The following ERBB4 variants were observed in gnomAD, a reference collection of about 807,000 sequenced individuals.
ERBB4 encodes receptor tyrosine-protein kinase erbB-4.
Under a neutral mutation model 158.0 loss-of-function variants are expected in ERBB4, and 42 were observed. The observed-to-expected ratio is 0.27, with a 90% CI of 0.21 to 0.34. ERBB4 has a LOEUF of 0.34. Among genes scored for constraint, ERBB4 ranks in the 10% least tolerant of loss-of-function variants. ERBB4 has a pLI of 1.00. For missense variants in ERBB4, 1,333 were observed against 1,624.1 expected (o/e 0.82, Z 3.08); for synonymous variants, 583 against 558.7 (o/e 1.04, Z -0.61).
intron 2 of ERBB4, among the ~76,000 whole-genome samples, chr2:212,071,312 T>C (rs939298632): frequency 1.2e-4 from 5 of 42,410 alleles, no homozygotes; most frequent in Non-Finnish European, 4.1e-4. Flanking sequence ...ACAGAAGAAA[T>C]GAAAAAAAAA....
chr2:212,148,743 T>C (rs536019022), intron 1 of ERBB4, among the ~76,000 whole-genome samples: 10 of 149,596 alleles, frequency 6.7e-5, no homozygotes, highest in African/African-American at 2.2e-4. Flanking sequence ...TTATTCACAA[T>C]AGCAAAGACT....
At chr2:211,751,320 AC>A (rs1217262392) in intron 4 of ERBB4, among the ~76,000 whole-genome samples, 8 of 152,148 alleles carry the variant, frequency 5.3e-5, no homozygotes, top group Admixed American at 5.2e-4. Flanking sequence ...ATCTTCTTCT[AC>A]CATAGGTATT....
intron 20 of ERBB4, among the ~76,000 whole-genome samples, chr2:211,556,988 C>T (rs1052636111): frequency 2.0e-5 from 3 of 151,980 alleles, no homozygotes; most frequent in Admixed American, 2.0e-4. Context: ...TTTGACAAAC[C>T]TGACAAAAAA....
intron 1 of ERBB4, among the ~76,000 whole-genome samples, chr2:212,475,949 C>A (rs552896430): frequency 4.3e-4 from 65 of 152,176 alleles, no homozygotes; most frequent in Non-Finnish European, 7.4e-4. Flanking sequence ...TCCCCCAGTC[C>A]TTTCCCCACA....
intron 1 of ERBB4, among the ~76,000 whole-genome samples, chr2:212,134,840 T>C (rs988519607): frequency 2.6e-5 from 4 of 151,956 alleles, no homozygotes; most frequent in South Asian, 4.1e-4. Flanking sequence ...CCCGCCACCA[T>C]GCCTGGCTAA....
At position 211,391,591 on chromosome 2, in the gene ERBB4, T is replaced by G. The variant is rs376999958; in HGVS notation, c.3136-3599A>C. Among the ~76,000 whole-genome samples, 38 of 152,264 alleles carry G rather than the reference T, an allele frequency of 2.5e-4. 1 individual carries two copies. The highest frequency in any genetic ancestry group is 9.1e-4 in the African/African-American group (38 of 41,562). On this transcript the variant is annotated intron_variant, in intron 25 of 27. Transcript: ENST00000342788. ...GAGTTTAATTCTGTGGCCATATCGC[T>G]GGGAGATTGTATGATTAACTTGGAC...
At chr2:212,510,205 GTATATATATATATA>G (rs10556403) in intron 1 of ERBB4, among the ~76,000 whole-genome samples, 2 of 130,474 alleles carry the variant, frequency 1.5e-5, no homozygotes, top group East Asian at 2.3e-4. Context: ...TAACCACACA[GTATATATATATATA>G]TATATATATA....
At chr2:211,500,246 T>G (rs1167943404) in intron 20 of ERBB4, among the ~76,000 whole-genome samples, 2 of 152,178 alleles carry the variant, frequency 1.3e-5, no homozygotes, top group African/African-American at 4.8e-5. Context: ...TAAGCCACAT[T>G]ACTTATTCAA....
intron 1 of ERBB4, among the ~76,000 whole-genome samples, chr2:212,428,414 T>A (rs554014573): frequency 6.6e-6 from 1 of 152,172 alleles, no homozygotes. Context: ...TTCTTGGCTT[T>A]TGTTTTTGAA....
At chr2:211,422,568 G>A (rs769786506) in intron 23 of ERBB4, among the ~76,000 whole-genome samples, 1 of 151,000 alleles carries the variant, frequency 6.6e-6, no homozygotes, top group African/African-American at 2.4e-5. Context: ...CTTAGTACTA[G>A]CTTGTCTAGT....
At chr2:211,446,944 T>A (rs1257426165) in intron 20 of ERBB4, among the ~76,000 whole-genome samples, 6 of 152,216 alleles carry the variant, frequency 3.9e-5, no homozygotes, top group African/African-American at 1.4e-4. Flanking sequence ...TTTTTCCACA[T>A]CACAATATAT....
chr2:211,405,737 T>C (rs1281036327), intron 25 of ERBB4, among the ~76,000 whole-genome samples: 1 of 152,172 alleles, frequency 6.6e-6, no homozygotes, highest in Non-Finnish European at 1.5e-5. Flanking sequence ...AAAAGGATAG[T>C]AAGATGTCAT....
intron 1 of ERBB4, among the ~76,000 whole-genome samples, chr2:212,464,034 C>A (rs377346730): frequency 1.3e-5 from 2 of 152,076 alleles, no homozygotes; most frequent in African/African-American, 4.8e-5. Context: ...ACAGAAACTG[C>A]CACTTCTGCT....
At chr2:211,708,367 C>T (rs555204871) in intron 9 of ERBB4, among the ~76,000 whole-genome samples, 4 of 151,890 alleles carry the variant, frequency 2.6e-5, no homozygotes, top group Non-Finnish European at 2.9e-5. Context: ...CAGGTTTAAG[C>T]GCTATGATTA....
chr2:212,296,975 T>A (rs2086437133), intron 1 of ERBB4, among the ~76,000 whole-genome samples: 1 of 151,884 alleles, frequency 6.6e-6, no homozygotes, highest in South Asian at 2.1e-4. Context: ...ACGCTACTAA[T>A]CCTTCTTCAC....
chr2:212,247,149 T>C (rs2084338565), intron 1 of ERBB4, among the ~76,000 whole-genome samples: 1 of 152,194 alleles, frequency 6.6e-6, no homozygotes, highest in Non-Finnish European at 1.5e-5. Flanking sequence ...TAGAGAATTA[T>C]TGTGTCATTG....
intron 20 of ERBB4, among the ~76,000 whole-genome samples, chr2:211,560,083 G>T (rs1483030823): frequency 3.3e-5 from 5 of 152,016 alleles, no homozygotes; most frequent in Non-Finnish European, 7.4e-5. Context: ...TTAGGGGATG[G>T]CATTTGCAAA....
At chr2:212,046,553 T>C (rs969253132) in intron 2 of ERBB4, among the ~76,000 whole-genome samples, 39 of 152,232 alleles carry the variant, frequency 2.6e-4, no homozygotes, top group African/African-American at 8.9e-4. Flanking sequence ...TTAGCAGTAT[T>C]GATGTATTTA....
chr2:211,426,810 GATATAAT>G (rs2063638621), intron 22 of ERBB4, among the ~76,000 whole-genome samples: 1 of 150,900 alleles, frequency 6.6e-6, no homozygotes, highest in Admixed American at 6.6e-5. Context: ...TATACTATAT[GATATAAT>G]ATATAAATCT....
Sources: allele counts gnomAD v4.1 joint callset (sites outside exome capture counted in the v4.1 genomes callset), GRCh38; gene constraint gnomAD v4.1.1; transcripts MANE v1.5; gene names NCBI Gene and HGNC (gene_info 2026-07-23, HGNC 2026-07-21).